Variants in NIM1K observed in about 807,000 individuals in gnomAD.
NIM1K encodes the protein NIM1 serine/threonine protein kinase.
NIM1K carries 35 observed loss-of-function variants against 37.1 expected under a neutral mutation model. The ratio of observed to expected loss-of-function variants is 0.94; its 90% CI spans 0.72 to 1.25. The LOEUF (loss-of-function observed/expected upper bound fraction) is 1.25. Among genes scored for constraint, NIM1K ranks in the 50% most tolerant of loss-of-function variants. NIM1K has a pLI of 0.00. For missense variants in NIM1K, 564 were observed against 548.0 expected (o/e 1.03, Z -0.29); for synonymous variants, 234 against 206.6 (o/e 1.13, Z -1.14).
At chr5:43,225,489 A>T (rs1024856983) in intron 1 of NIM1K, 6 of 152,232 alleles carry the variant, frequency 3.9e-5, no homozygotes, top group Non-Finnish European at 7.3e-5. Context: ...ACATGCTTAA[A>T]TTATGGTTCA....
At chr5:43,262,315 G>A (rs1300678890) in intron 2 of NIM1K, among the ~76,000 whole-genome samples, 3 of 152,108 alleles carry the variant, frequency 2.0e-5, no homozygotes, top group Admixed American at 6.5e-5. Context: ...TCCTTGAAGA[G>A]GTCCTTCACA....
chr5:43,212,087 C>T (rs1280426552), intron 1 of NIM1K, among the ~76,000 whole-genome samples: 1 of 152,036 alleles, frequency 6.6e-6, no homozygotes, highest in East Asian at 1.9e-4. Context: ...TTATTTCCGC[C>T]TCTCTTGGAT....
At chr5:43,210,069 A>G (rs1198635039) in intron 1 of NIM1K, among the ~76,000 whole-genome samples, 1 of 152,198 alleles carries the variant, frequency 6.6e-6, no homozygotes, top group Non-Finnish European at 1.5e-5. Flanking sequence ...GTACACAGTA[A>G]CTGAAACACC....
At chr5:43,254,205 G>A (rs1752908597) in intron 2 of NIM1K, among the ~76,000 whole-genome samples, 1 of 152,204 alleles carries the variant, frequency 6.6e-6, no homozygotes, top group African/African-American at 2.4e-5. Context: ...AATGGTATGG[G>A]TGAGAGCAGG....
rs562215605 is a variant in NIM1K, at chr5:43,232,147, A to G, written c.-694-12935A>G. Reference sequence around the variant, plus strand: ...CAGGGGGCACCAAACCACAAATTAGATGATACACTTGGTCTTGATTGATGG... The same window carrying G: ...CAGGGGGCACCAAACCACAAATTAGGTGATACACTTGGTCTTGATTGATGG... On this transcript the variant is annotated intron_variant, in intron 1 of 3. Coordinates refer to ENST00000326035, the MANE Select transcript of NIM1K (RefSeq NM_153361.4). 4.0e-6 allele frequency: 4 copies of G among 998,274 alleles called. No individual in the cohort carries two copies. In the East Asian group the frequency reaches 9.9e-5, roughly 25 times the overall value. 61.8% of individuals were successfully genotyped at this position (998,274 alleles called of 1,614,324 possible).
intron 1 of NIM1K, among the ~76,000 whole-genome samples, chr5:43,236,275 C>T (rs945618850): frequency 1.3e-5 from 2 of 151,368 alleles, no homozygotes; most frequent in African/African-American, 4.9e-5. Context: ...AAACAAAAAA[C>T]AAAACAAAAT....
chr5:43,233,122 T>C, intron 1 of NIM1K: 1 of 1,337,348 alleles, frequency 7.5e-7, no homozygotes, highest in Non-Finnish European at 1.1e-6. Flanking sequence ...CCAGCAGGCA[T>C]TGCCAACCTG....
intron 1 of NIM1K, among the ~76,000 whole-genome samples, chr5:43,213,167 TTC>T (rs1168473245): frequency 2.1e-5 from 1 of 48,002 alleles, no homozygotes; most frequent in Non-Finnish European, 4.6e-5. Flanking sequence ...CTTTCTTTTT[TTC>T]TTTCTTTCTT....
At chr5:43,222,096 A>G (rs1579963916) in intron 1 of NIM1K, among the ~76,000 whole-genome samples, 1 of 152,282 alleles carries the variant, frequency 6.6e-6, no homozygotes, top group East Asian at 1.9e-4. Context: ...TTATGGCTCT[A>G]TACTGGTGCT....
At chr5:43,204,567 T>G (rs995622506) in intron 1 of NIM1K, among the ~76,000 whole-genome samples, 15 of 150,792 alleles carry the variant, frequency 9.9e-5, no homozygotes, top group Non-Finnish European at 5.9e-5. Context: ...TAGGCGGGCA[T>G]GGTGGTGGGT....
At chr5:43,262,094 T>C (rs983632405) in intron 2 of NIM1K, among the ~76,000 whole-genome samples, 3 of 152,246 alleles carry the variant, frequency 2.0e-5, no homozygotes, top group Non-Finnish European at 4.4e-5. Context: ...CAATGTGGGC[T>C]CTTTTTTGGT....
intron 1 of NIM1K, among the ~76,000 whole-genome samples, chr5:43,228,247 C>T (rs1431266651): frequency 6.6e-6 from 1 of 151,684 alleles, no homozygotes; most frequent in Non-Finnish European, 1.5e-5. Context: ...CCTGGGTTCA[C>T]GCCATTCTTC....
At chr5:43,227,387 AAAAAT>A (rs1407393857) in intron 1 of NIM1K, among the ~76,000 whole-genome samples, 1 of 152,158 alleles carries the variant, frequency 6.6e-6, no homozygotes, top group East Asian at 1.9e-4. Flanking sequence ...AATAAAAATA[AAAAAT>A]AAAATAAAAG....
intron 2 of NIM1K, among the ~76,000 whole-genome samples, chr5:43,251,954 G>A (rs1337545811): frequency 5.3e-5 from 8 of 152,194 alleles, no homozygotes; most frequent in East Asian, 1.9e-4. Flanking sequence ...GAGTCACGTG[G>A]GCCACTACTG....
At chr5:43,225,260 C>CAAAAAAAAAAAAAA (rs10555794) in intron 1 of NIM1K, among the ~76,000 whole-genome samples, 11 of 72,710 alleles carry the variant, frequency 1.5e-4, no homozygotes, top group South Asian at 6.5e-4. Flanking sequence ...ACCCTCTTTC[C>CAAAAAAAAAAAAAA]AAAAAAAAAA....
chr5:43,275,893 G>A (rs1340872202), intron 2 of NIM1K, among the ~76,000 whole-genome samples: 2 of 148,986 alleles, frequency 1.3e-5, no homozygotes, highest in Non-Finnish European at 3.0e-5. Flanking sequence ...CTGAAATTGA[G>A]TAATTTTTTT....
At chr5:43,260,344 TATG>T (rs1467870601) in intron 2 of NIM1K, among the ~76,000 whole-genome samples, 2 of 152,240 alleles carry the variant, frequency 1.3e-5, no homozygotes, top group Admixed American at 1.3e-4. Flanking sequence ...CCCCATTTGG[TATG>T]ATGTTGGCTT....
intron 2 of NIM1K, among the ~76,000 whole-genome samples, chr5:43,250,216 A>G (rs900530538): frequency 1.3e-4 from 20 of 151,614 alleles, no homozygotes; most frequent in Non-Finnish European, 2.8e-4. Flanking sequence ...TGATTTTTCA[A>G]TGTCATTAAA....
At chr5:43,241,905 C>T (rs1176997462) in intron 1 of NIM1K, among the ~76,000 whole-genome samples, 1 of 151,802 alleles carries the variant, frequency 6.6e-6, no homozygotes, top group African/African-American at 2.4e-5. Context: ...TTTACATTTA[C>T]TTAGATGATT....
Sources: gnomAD v4.1 joint callset for allele counts (sites outside exome capture counted in the v4.1 genomes callset) on GRCh38, gnomAD v4.1.1 for gene constraint, MANE v1.5 for transcripts, NCBI Gene and HGNC (gene_info 2026-07-23, HGNC 2026-07-21) for gene names.